CDH4: variants seen among roughly 807,000 people sequenced by gnomAD.
The protein encoded by CDH4 is cadherin 4, also known as cadherin-4.
Under a neutral mutation model 86.0 loss-of-function variants are expected in CDH4, and 33 were observed. The ratio of observed to expected loss-of-function variants is 0.38; its 90% CI spans 0.29 to 0.51. CDH4 has a LOEUF of 0.51. Among genes scored for constraint, CDH4 ranks in the 20% least tolerant of loss-of-function variants. The pLI, the probability that CDH4 is intolerant of heterozygous loss-of-function variation, is 0.86. For synonymous variants in CDH4, 555 were observed against 549.4 expected (o/e 1.01, Z -0.14); for missense variants, 1,114 against 1,307.4 (o/e 0.85, Z 2.28).
intron 6 of CDH4, among the ~76,000 whole-genome samples, chr20:61,868,007 G>A (rs185800423): frequency 2.9e-4 from 44 of 152,374 alleles, no homozygotes; most frequent in African/African-American, 9.6e-4. Context: ...TGCATCAGAT[G>A]TAAGGGGTGC....
chr20:61,920,881 TGTG>T lies in CDH4; in HGVS notation c.1375-2566_1375-2564del, dbSNP rs573980605. On this transcript the variant is annotated intron_variant, in intron 9 of 15. Transcript: ENST00000614565. ...TGGTGTCACAGTAATTGCATGGAAGTGTGGTGTCATGGTGATTGCATGGAAGCG... is the reference window on the plus strand; with the variant it reads ...TGGTGTCACAGTAATTGCATGGAAGTGTGTCATGGTGATTGCATGGAAGCG... 4.2e-3 allele frequency among the ~76,000 whole-genome samples: 557 copies of T among 131,094 alleles called. 10 individuals carry two copies. Among genetic ancestry groups the T allele is most frequent in the African/African-American group, 0.015 (523 of 33,896 alleles). 86.0% of individuals were successfully genotyped at this position (131,094 alleles called of 152,430 possible).
At chr20:61,540,342 T>C (rs1042369660) in intron 2 of CDH4, among the ~76,000 whole-genome samples, 14 of 152,322 alleles carry the variant, frequency 9.2e-5, no homozygotes, top group Non-Finnish European at 1.5e-4. Context: ...GCTCTAGAAG[T>C]TGGAACAGTC....
At chr20:61,789,270 G>A (rs572424226) in intron 4 of CDH4, among the ~76,000 whole-genome samples, 3 of 152,312 alleles carry the variant, frequency 2.0e-5, no homozygotes, top group African/African-American at 7.2e-5. Flanking sequence ...GTTTGATTTC[G>A]GCTTTTGGGC....
chr20:61,914,096 GC>G (rs984487480), intron 9 of CDH4, among the ~76,000 whole-genome samples: 1 of 152,068 alleles, frequency 6.6e-6, no homozygotes, highest in Non-Finnish European at 1.5e-5. Flanking sequence ...TGTGCCTCCT[GC>G]CCCCCCACAG....
At chr20:61,782,596 A>G (rs1978607374) in intron 4 of CDH4, among the ~76,000 whole-genome samples, 1 of 152,218 alleles carries the variant, frequency 6.6e-6, no homozygotes, top group Non-Finnish European at 1.5e-5. Flanking sequence ...ATGTATGTTG[A>G]TGTAATAAAT....
At chr20:61,598,660 T>C (rs570720450) in intron 2 of CDH4, among the ~76,000 whole-genome samples, 1 of 152,286 alleles carries the variant, frequency 6.6e-6, no homozygotes, top group Non-Finnish European at 1.5e-5. Flanking sequence ...CCAGTTTTCC[T>C]GTAGAACGGG....
chr20:61,918,867 T>G (rs1243670181), intron 9 of CDH4, among the ~76,000 whole-genome samples: 2 of 152,118 alleles, frequency 1.3e-5, no homozygotes, highest in African/African-American at 4.8e-5. Flanking sequence ...CCAATACTAT[T>G]ATTTAGGCAA....
rs779022214 is a variant in CDH4, at chr20:61,393,345, G to A, written c.169+138408G>A. On this transcript the variant is annotated intron_variant, in intron 2 of 15. Coordinates refer to ENST00000614565, the MANE Select transcript of CDH4 (RefSeq NM_001794.5). The surrounding 1 kb of genome is among the most constrained non-coding windows in gnomAD (Gnocchi z 4.3). ...CAGTGGTGTGGGGGACAGCAGCCGG[G>A]GGGGGCCGGGGTCTTCCTTACCTCC... is the stretch of plus-strand genomic sequence containing the variant. Among the ~76,000 whole-genome samples the A allele has an allele frequency of 3.3e-5, 5 of 152,032 alleles. No individual in the cohort carries two copies. Among genetic ancestry groups the A allele is most frequent in the Admixed American group, 2.0e-4 (3 of 15,278 alleles).
chr20:61,379,175 A>G (rs1204927136), intron 2 of CDH4, among the ~76,000 whole-genome samples: 2 of 152,146 alleles, frequency 1.3e-5, no homozygotes, highest in African/African-American at 4.8e-5. Context: ...TAACAGACTA[A>G]CACCAGGGTG....
intron 3 of CDH4, among the ~76,000 whole-genome samples, chr20:61,768,866 A>G (rs1051544161): frequency 3.3e-5 from 5 of 152,262 alleles, no homozygotes; most frequent in African/African-American, 1.2e-4. Context: ...AACGCCATAC[A>G]AGCTCATACT....
chr20:61,871,039 ATGTGTG>A (rs10590544), intron 6 of CDH4, among the ~76,000 whole-genome samples: 120 of 149,536 alleles, frequency 8.0e-4, no homozygotes, highest in African/African-American at 1.1e-3. Context: ...TATTTATAGG[ATGTGTG>A]TGTGTGTGTG....
chr20:61,467,646 C>T (rs1266685556), intron 2 of CDH4, among the ~76,000 whole-genome samples: 1 of 152,196 alleles, frequency 6.6e-6, no homozygotes, highest in South Asian at 2.1e-4. Context: ...TGCTGCTGCC[C>T]ACAAAGAGCA....
At chr20:61,499,024 G>C (rs887485248) in intron 2 of CDH4, among the ~76,000 whole-genome samples, 2 of 152,200 alleles carry the variant, frequency 1.3e-5, no homozygotes, top group Non-Finnish European at 2.9e-5. Context: ...GGCGTATTGT[G>C]ACTTGCCGGG....
At chr20:61,770,896 A>AAC (rs1337554941) in intron 3 of CDH4, among the ~76,000 whole-genome samples, 1 of 151,728 alleles carries the variant, frequency 6.6e-6, no homozygotes, top group African/African-American at 2.4e-5. Flanking sequence ...AAAAAAAAAA[A>AAC]CACAGAAAGG....
At chr20:61,634,522 C>T (rs1214380607) in intron 2 of CDH4, among the ~76,000 whole-genome samples, 2 of 152,178 alleles carry the variant, frequency 1.3e-5, no homozygotes, top group African/African-American at 2.4e-5. Context: ...GCAGGACCCC[C>T]ACCTGGATCA....
At chr20:61,390,744 A>G (rs2084980651) in intron 2 of CDH4, among the ~76,000 whole-genome samples, 1 of 151,476 alleles carries the variant, frequency 6.6e-6, no homozygotes, top group East Asian at 1.9e-4. Context: ...GTGCAGTCAT[A>G]GGGTGCCCAT....
chr20:61,595,662 G>A lies in CDH4; in HGVS notation c.170-147901G>A, dbSNP rs6089242. On this transcript the variant is annotated intron_variant, in intron 2 of 15. Transcript: ENST00000614565. ...TTTAGAGAACGTTAGCCATGGTTCC[G>A]AGGCACCACGTGCATGAAAGTAGCG... Among the ~76,000 whole-genome samples, 1,182 of 152,294 alleles carry A rather than the reference G, an allele frequency of 7.8e-3. 7 individuals carry two copies. The highest frequency in any genetic ancestry group is 0.014 in the African/African-American group (587 of 41,558).
At chr20:61,404,944 C>T (rs2085072925) in intron 2 of CDH4, among the ~76,000 whole-genome samples, 1 of 151,956 alleles carries the variant, frequency 6.6e-6, no homozygotes, top group Non-Finnish European at 1.5e-5. Flanking sequence ...CAGCTATTCA[C>T]GAGGCTGAGG....
chr20:61,748,098 G>C (rs944376961), intron 3 of CDH4, among the ~76,000 whole-genome samples: 3 of 152,148 alleles, frequency 2.0e-5, no homozygotes, highest in African/African-American at 4.8e-5. Flanking sequence ...GTTGTGGGGG[G>C]GTTGGAAGAC....
Sources: gnomAD v4.1 joint callset for allele counts (sites outside exome capture counted in the v4.1 genomes callset) on GRCh38, gnomAD v4.1.1 for gene constraint, Gnocchi (gnomAD v3.1) non-coding constraint, MANE v1.5 for transcripts, NCBI Gene and HGNC (gene_info 2026-07-23, HGNC 2026-07-21) for gene names.